RABGAP1: variants seen among roughly 807,000 people sequenced by gnomAD.
RABGAP1 encodes the protein rab GTPase-activating protein 1.
A neutral mutation model predicts 137.6 loss-of-function variants in RABGAP1; 23 were observed. That is an observed-to-expected ratio of 0.17 (90% CI 0.12 to 0.24). The LOEUF (loss-of-function observed/expected upper bound fraction) is 0.24. Among genes scored for constraint, RABGAP1 ranks in the 10% least tolerant of loss-of-function variants. The pLI is 1.00. For synonymous variants in RABGAP1, 451 were observed against 450.7 expected, an observed-to-expected ratio of 1.00 and a Z score of -0.01; for missense variants, 906 against 1,275.8, an observed-to-expected ratio of 0.71 and a Z score of 4.42.
chr9:123,040,224 G>C (rs947337225), intron 13 of RABGAP1, among the ~76,000 whole-genome samples: 1 of 152,156 alleles, frequency 6.6e-6, no homozygotes, highest in Non-Finnish European at 1.5e-5. Flanking sequence ...AGGCTTCCTG[G>C]TGGGCCACCC....
the RABGAP1 span, among the ~76,000 whole-genome samples, chr9:122,933,851 C>T: frequency 6.6e-6 from 1 of 152,066 alleles, no homozygotes; most frequent in Non-Finnish European, 1.5e-5. Context: ...TCTCAAACTC[C>T]TGACCTCCCA....
chr9:123,080,470 A>G (rs903260321), intron 19 of RABGAP1, among the ~76,000 whole-genome samples: 5 of 152,200 alleles, frequency 3.3e-5, no homozygotes, highest in Non-Finnish European at 7.3e-5. Context: ...TGTACAGTTT[A>G]GTTAGTGATG....
chr9:122,970,428 T>TAGTG (rs1564368439), intron 2 of RABGAP1, among the ~76,000 whole-genome samples: 1 of 152,174 alleles, frequency 6.6e-6, no homozygotes, highest in African/African-American at 2.4e-5. Context: ...CTGGGCAACA[T>TAGTG]AGTGATACCC....
At chr9:123,060,725 T>A (rs994929386) in intron 13 of RABGAP1, among the ~76,000 whole-genome samples, 1 of 152,234 alleles carries the variant, frequency 6.6e-6, no homozygotes, top group Non-Finnish European at 1.5e-5. Context: ...ATATACTGTT[T>A]ATTTTGCTGC....
intron 19 of RABGAP1, among the ~76,000 whole-genome samples, chr9:123,085,870 T>C (rs1042591170): frequency 6.6e-6 from 1 of 152,250 alleles, no homozygotes; most frequent in African/African-American, 2.4e-5. Context: ...TGCTTAACTA[T>C]TGGTTAAATA....
chr9:122,981,279 G>C lies in RABGAP1; in HGVS notation c.151-3206G>C, dbSNP rs1004319771. Among the ~76,000 whole-genome samples the C allele has an allele frequency of 2.6e-5, 4 of 152,114 alleles. No homozygotes were observed. The East Asian group carries it at 7.7e-4, about 29-fold the overall frequency. ...GGCTTCAAGTAATCTGTCTGCCTTGGCCTCTCCAAGTGCTGGGATTATAGG... is the reference window on the plus strand; with the variant it reads ...GGCTTCAAGTAATCTGTCTGCCTTGCCCTCTCCAAGTGCTGGGATTATAGG... On this transcript the variant is annotated intron_variant, in intron 2 of 25. Transcript: ENST00000373647.
intron 2 of RABGAP1, among the ~76,000 whole-genome samples, chr9:122,958,932 C>A (rs1243313292): frequency 2.0e-5 from 3 of 151,990 alleles, no homozygotes; most frequent in Admixed American, 2.0e-4. Flanking sequence ...TTGATTGAGG[C>A]CAGGAGGTGG....
At chr9:123,100,539 C>A (rs181544286) in intron 24 of RABGAP1, among the ~76,000 whole-genome samples, 133 of 152,124 alleles carry the variant, frequency 8.7e-4, no homozygotes, top group African/African-American at 2.8e-3. Flanking sequence ...TCTCCTTCCT[C>A]GCCTCCCAGC....
intron 13 of RABGAP1, among the ~76,000 whole-genome samples, chr9:123,041,467 A>G (rs1195729816): frequency 6.6e-6 from 1 of 152,230 alleles, no homozygotes; most frequent in Non-Finnish European, 1.5e-5. Context: ...ATTCAAATCC[A>G]ATTCTTTGAC....
In RABGAP1 at chr9:123,090,379, G is replaced by C; in HGVS notation, c.2622G>C (p.Leu874=). ...VTSKIALRKD[L]DNAEEKADAL... Reference sequence around the variant, plus strand: ...GCAAGATTGCACTACGGAAGGACCTGGATAACGTAAGTCCAACGGGTCTGA... The same window carrying C: ...GCAAGATTGCACTACGGAAGGACCTCGATAACGTAAGTCCAACGGGTCTGA... Residue 874 remains leucine (L), a synonymous_variant, in exon 21 of 26, where the codon CTG becomes CTC. Transcript: ENST00000373647. 1 of 1,608,546 alleles carries C rather than the reference G, an allele frequency of 6.2e-7. No homozygotes were observed. Among genetic ancestry groups the C allele is most frequent in the South Asian group, 1.1e-5 (1 of 90,112 alleles).
chr9:123,096,694 A>G (rs1308625828), intron 21 of RABGAP1, among the ~76,000 whole-genome samples: 3 of 152,094 alleles, frequency 2.0e-5, no homozygotes, highest in East Asian at 3.9e-4. Context: ...CTAGCCTCCC[A>G]GGTAGCTGGG....
chr9:123,067,730 T>C (rs1174420128), intron 14 of RABGAP1, among the ~76,000 whole-genome samples: 3 of 152,192 alleles, frequency 2.0e-5, no homozygotes, highest in Non-Finnish European at 4.4e-5. Context: ...GTTCATTAAG[T>C]GTTGATGAAT....
chr9:123,059,698 C>G (rs2033892204), intron 13 of RABGAP1, among the ~76,000 whole-genome samples: 1 of 152,098 alleles, frequency 6.6e-6, no homozygotes, highest in South Asian at 2.1e-4. Flanking sequence ...AAGAAGAGAC[C>G]TAGAGAGCTG....
intron 13 of RABGAP1, among the ~76,000 whole-genome samples, chr9:123,051,641 G>A (rs929787131): frequency 6.6e-6 from 1 of 152,052 alleles, no homozygotes; most frequent in African/African-American, 2.4e-5. Context: ...ACACTGAGCA[G>A]CCTTCATACA....
intron 2 of RABGAP1, among the ~76,000 whole-genome samples, chr9:122,974,615 G>A (rs550978590): frequency 3.3e-5 from 5 of 151,708 alleles, no homozygotes; most frequent in Admixed American, 6.6e-5. Context: ...AACATGATGG[G>A]ACCCTGTCTC....
At chr9:123,035,196 C>G (rs751349991) in intron 13 of RABGAP1, 4 of 1,614,154 alleles carry the variant, frequency 2.5e-6, no homozygotes, top group Middle Eastern at 3.3e-4. Context: ...TCTGCTTCAC[C>G]TATTTCAACA....
rs900859481 is a variant in RABGAP1, at chr9:122,996,068, G to A, written c.951G>A (p.Gln317=). The A allele has an allele frequency of 3.7e-6, 6 of 1,612,352 alleles. No homozygotes were observed. The African/African-American group carries it at 5.3e-5, about 14-fold the overall frequency. Residue 317 remains glutamine, a synonymous_variant, in exon 7 of 26, where the codon CAG becomes CAA. Transcript: ENST00000373647. ...FSAVPKDKDR[Q]CFKLRQGIDK... ...CAGTTCCCAAAGATAAGGACAGACA[G>A]TGCTTTAAACTACGCCAAGGAATTG...
At chr9:123,029,729 T>A in intron 13 of RABGAP1, 1 of 640,414 alleles carries the variant, frequency 1.6e-6, no homozygotes. Flanking sequence ...GTGTCTGTCT[T>A]CTTCTTGTAG....
chr9:122,978,393 C>G (rs540845866), intron 2 of RABGAP1, among the ~76,000 whole-genome samples: 2 of 152,052 alleles, frequency 1.3e-5, no homozygotes, highest in African/African-American at 4.8e-5. Flanking sequence ...TTTTATAGAT[C>G]TATAAGAATC....
Sources: allele counts gnomAD v4.1 joint callset (sites outside exome capture counted in the v4.1 genomes callset), GRCh38; gene constraint gnomAD v4.1.1; transcripts MANE v1.5; gene names NCBI Gene and HGNC (gene_info 2026-07-23, HGNC 2026-07-21).